The following FAM184A variants were observed in gnomAD, a reference collection of about 807,000 sequenced individuals.
FAM184A encodes the protein protein FAM184A.
A neutral mutation model predicts 143.8 loss-of-function variants in FAM184A; 99 were observed. That is an observed-to-expected ratio of 0.69 (90% CI 0.58 to 0.81). FAM184A has a LOEUF of 0.81. FAM184A is among the 40% of genes least tolerant of loss of function. The pLI is 0.00. For synonymous variants in FAM184A, 427 were observed against 446.4 expected (o/e 0.96, Z 0.55); for missense variants, 1,217 against 1,310.5 (o/e 0.93, Z 1.10).
chr6:119,075,554 A>G (rs1787843014), intron 1 of FAM184A, among the ~76,000 whole-genome samples: 1 of 152,144 alleles, frequency 6.6e-6, no homozygotes, highest in Non-Finnish European at 1.5e-5. Context: ...CACTGCTCTT[A>G]AGTGTGCTGC....
intron 1 of FAM184A, among the ~76,000 whole-genome samples, chr6:119,144,132 C>T (rs1047680446): frequency 2.7e-5 from 4 of 150,658 alleles, no homozygotes; most frequent in African/African-American, 9.8e-5. Context: ...TCGAGACCAT[C>T]CTGGCTAACG....
intron 14 of FAM184A, among the ~76,000 whole-genome samples, chr6:118,969,093 T>C (rs1210079187): frequency 6.6e-6 from 1 of 152,144 alleles, no homozygotes; most frequent in Non-Finnish European, 1.5e-5. Context: ...AAAGATCTGA[T>C]GGTTTTATAA....
intron 13 of FAM184A, among the ~76,000 whole-genome samples, chr6:118,974,780 A>T (rs1266032660): frequency 6.6e-6 from 1 of 152,192 alleles, no homozygotes; most frequent in Non-Finnish European, 1.5e-5. Flanking sequence ...ATAACATTTT[A>T]AAAAGAATTC....
rs148357081 is a variant in FAM184A at position 119,140,023 on chromosome 6, C to T, written c.-202+9055G>A. Among the ~76,000 whole-genome samples the T allele has an allele frequency of 3.6e-3, 544 of 152,308 alleles. 3 individuals carry two copies. Among genetic ancestry groups the T allele is most frequent in the African/African-American group, 0.013 (527 of 41,566 alleles). ...GCCCAGGGTGGCTTGGACCTCAGGC[C>T]GCTGAGTGAGAGGGCTTAAGGACTG... On this transcript the variant is annotated intron_variant, in intron 1 of 16. Coordinates refer to the FAM184A transcript ENST00000352896.
chr6:119,016,188 A>G (rs2114671528), intron 5 of FAM184A, among the ~76,000 whole-genome samples: 1 of 152,284 alleles, frequency 6.6e-6, no homozygotes, highest in African/African-American at 2.4e-5. Flanking sequence ...CAGCGCCCTG[A>G]CAAAACAGGC....
chr6:119,023,564 C>G (rs34206330), intron 2 of FAM184A, among the ~76,000 whole-genome samples: 34,459 of 112,062 alleles, frequency 0.31, 7,505 homozygotes, highest in South Asian at 0.43. Flanking sequence ...CGCCCCCCCC[C>G]CCAGGAACAG....
At chr6:118,995,048 T>C (rs991977849) in intron 9 of FAM184A, among the ~76,000 whole-genome samples, 1 of 152,216 alleles carries the variant, frequency 6.6e-6, no homozygotes, top group Admixed American at 6.6e-5. Context: ...ATTTAAAAAA[T>C]TTCTAACTTC....
At chr6:118,989,731 TGA>T (rs1228393951) in intron 9 of FAM184A, among the ~76,000 whole-genome samples, 3 of 151,810 alleles carry the variant, frequency 2.0e-5, no homozygotes, top group Non-Finnish European at 2.9e-5. Flanking sequence ...TATACAATAA[TGA>T]GAGACAACTT....
At chr6:118,964,938 T>C (rs950845073) in intron 15 of FAM184A, among the ~76,000 whole-genome samples, 167 bp from the exon 16 acceptor site, 3 of 152,168 alleles carry the variant, frequency 2.0e-5, no homozygotes, top group Non-Finnish European at 2.9e-5. Flanking sequence ...TTAAGGAATG[T>C]TGGGGGATAA....
intron 9 of FAM184A, among the ~76,000 whole-genome samples, chr6:118,991,750 A>ATT (rs1484717964): frequency 1.4e-5 from 1 of 71,090 alleles, no homozygotes; most frequent in African/African-American, 4.9e-5. Flanking sequence ...CCCTGAGAGG[A>ATT]CTTTTTTTTT....
At chr6:119,096,409 G>A (rs1788509433) in intron 1 of FAM184A, among the ~76,000 whole-genome samples, 1 of 31,820 alleles carries the variant, frequency 3.1e-5, no homozygotes, top group Non-Finnish European at 6.6e-5. Context: ...GGCCGAGGCG[G>A]GTGGATCATG....
intron 9 of FAM184A, among the ~76,000 whole-genome samples, chr6:118,996,449 A>G (rs543824910): frequency 6.6e-6 from 1 of 152,334 alleles, no homozygotes; most frequent in Non-Finnish European, 1.5e-5. Context: ...AAATTAGGTC[A>G]TGCCAGCTAT....
At chr6:119,107,507 A>G (rs1005180475) in intron 1 of FAM184A, among the ~76,000 whole-genome samples, 3 of 152,206 alleles carry the variant, frequency 2.0e-5, no homozygotes, top group Admixed American at 6.5e-5. Flanking sequence ...CATGCCTGCA[A>G]TCCCAGCACT....
intron 1 of FAM184A, among the ~76,000 whole-genome samples, chr6:119,147,362 C>A (rs706985): frequency 0.089 from 7,429 of 83,730 alleles, 339 homozygotes; most frequent in African/African-American, 0.19. Flanking sequence ...TTGATTCTGA[C>A]TGGGGATAGG....
At chr6:119,076,234 T>C (rs763049469) in intron 1 of FAM184A, among the ~76,000 whole-genome samples, 1 of 152,170 alleles carries the variant, frequency 6.6e-6, no homozygotes, top group Non-Finnish European at 1.5e-5. Flanking sequence ...AAAATGTCAA[T>C]AGCGTGACAC....
intron 1 of FAM184A, among the ~76,000 whole-genome samples, chr6:119,033,059 A>T (rs748411936): frequency 4.6e-5 from 7 of 152,092 alleles, no homozygotes; most frequent in Non-Finnish European, 8.8e-5. Flanking sequence ...TATAAATATA[A>T]TTTTTTTGCA....
intron 7 of FAM184A, chr6:119,005,293 G>A (rs760307112): frequency 1.3e-5 from 2 of 151,864 alleles, no homozygotes; most frequent in Admixed American, 6.6e-5. Flanking sequence ...GAAATGATTC[G>A]AGGAAAATGA....
chr6:118,991,780 T>TTTTTG (rs1784386784), intron 9 of FAM184A, among the ~76,000 whole-genome samples: 1 of 85,722 alleles, frequency 1.2e-5, no homozygotes, highest in African/African-American at 4.2e-5. Flanking sequence ...TTTTTTTTTT[T>TTTTTG]GAGACAGAGT....
At chr6:118,996,065 G>T (rs1055748580) in intron 9 of FAM184A, among the ~76,000 whole-genome samples, 1 of 152,126 alleles carries the variant, frequency 6.6e-6, no homozygotes, top group Admixed American at 6.5e-5. Flanking sequence ...TCTCCTAAAG[G>T]TGACAATTTA....
Sources: gnomAD v4.1 joint callset for allele counts (sites outside exome capture counted in the v4.1 genomes callset) on GRCh38, gnomAD v4.1.1 for gene constraint, MANE v1.5 for transcripts, NCBI Gene and HGNC (gene_info 2026-07-23, HGNC 2026-07-21) for gene names.